The following SLC28A1 variants were observed in gnomAD, a reference collection of about 807,000 sequenced individuals.
SLC28A1 encodes sodium/nucleoside cotransporter 1.
SLC28A1 carries 64 observed loss-of-function variants against 74.8 expected under a neutral mutation model. The observed-to-expected ratio is 0.86, with a 90% CI of 0.70 to 1.05. The LOEUF (loss-of-function observed/expected upper bound fraction) is 1.05. Among genes scored for constraint, SLC28A1 ranks in the 50% least tolerant of loss-of-function variants. The pLI is 0.00. For missense variants in SLC28A1, 828 were observed against 822.8 expected (o/e 1.01, Z -0.08); for synonymous variants, 359 against 335.0 (o/e 1.07, Z -0.78).
chr15:84,966,690 C>T, the SLC28A1 span, among the ~76,000 whole-genome samples: 1 of 152,192 alleles, frequency 6.6e-6, no homozygotes, highest in Non-Finnish European at 1.5e-5. Flanking sequence ...TGGCAGCAGA[C>T]AAGAGAAGAG....
At chr15:84,958,950 A>C in the SLC28A1 span, among the ~76,000 whole-genome samples, 2 of 151,782 alleles carry the variant, frequency 1.3e-5, no homozygotes, top group African/African-American at 2.4e-5. Context: ...AAATACAAAA[A>C]TTAGCAGGGT....
At chr15:84,893,218 G>A (rs749766984) in intron 5 of SLC28A1, among the ~76,000 whole-genome samples, 6 of 152,126 alleles carry the variant, frequency 3.9e-5, no homozygotes, top group Admixed American at 2.0e-4. Flanking sequence ...GGGCATCACT[G>A]TAGACCCCAC....
At chr15:84,925,245 C>T (rs1970373055) in intron 12 of SLC28A1, among the ~76,000 whole-genome samples, 1 of 151,828 alleles carries the variant, frequency 6.6e-6, no homozygotes, top group Non-Finnish European at 1.5e-5. Flanking sequence ...TAGCGTAGAA[C>T]AGCTATTCTG....
At chr15:84,894,577 G>A (rs1965734598) in intron 5 of SLC28A1, among the ~76,000 whole-genome samples, 1 of 152,164 alleles carries the variant, frequency 6.6e-6, no homozygotes, top group Non-Finnish European at 1.5e-5. Context: ...TAGCTGATGG[G>A]CTCGTCTCCT....
At chr15:84,920,887 C>A in intron 10 of SLC28A1, 102 bp from the exon 11 acceptor site, 1 of 898,142 alleles carries the variant, frequency 1.1e-6, no homozygotes, top group South Asian at 1.3e-5. Context: ...CTACACTGGG[C>A]TGGGAGTTGG....
chr15:84,915,927 A>G (rs1462564866), intron 9 of SLC28A1, among the ~76,000 whole-genome samples: 1 of 145,698 alleles, frequency 6.9e-6, no homozygotes, highest in Non-Finnish European at 1.5e-5. Context: ...AGCCACCTCA[A>G]CCTGTTGTTG....
At chr15:84,898,899 G>A (rs927746373) in intron 6 of SLC28A1, among the ~76,000 whole-genome samples, 6 of 152,170 alleles carry the variant, frequency 3.9e-5, no homozygotes, top group Non-Finnish European at 8.8e-5. Flanking sequence ...GGAAGCCATG[G>A]CAGGCAGGGT....
At chr15:84,895,196 GCC>G in intron 6 of SLC28A1, 73 bp downstream of exon 6, 1 of 1,593,204 alleles carries the variant, frequency 6.3e-7, no homozygotes, top group African/African-American at 1.3e-5. Context: ...CAGGGTTATG[GCC>G]AGGGCTGGAG....
chr15:84,907,456 A>G (rs903454935), intron 8 of SLC28A1, among the ~76,000 whole-genome samples: 1 of 152,176 alleles, frequency 6.6e-6, no homozygotes, highest in Non-Finnish European at 1.5e-5. Context: ...AAGTGCTGGG[A>G]TTATAGGCAT....
At chr15:84,962,755 C>A in the SLC28A1 span, among the ~76,000 whole-genome samples, 2 of 152,178 alleles carry the variant, frequency 1.3e-5, no homozygotes, top group African/African-American at 2.4e-5. Flanking sequence ...GATTTTTACC[C>A]CAGAAGGGAA....
In SLC28A1 at chr15:84,908,801, C is replaced by T; in HGVS notation, c.795+6C>T. 6.2e-7 allele frequency: 1 copy of T among 1,612,574 alleles called. No individual in the cohort carries two copies. Among genetic ancestry groups the T allele is most frequent in the Non-Finnish European group, 8.5e-7 (1 of 1,179,204 alleles). ...AGGATGTCTTTGCCTTTCAGGTCAG[C>T]TTGACTCAGGGTCCCAGAGGCCTTT... is the stretch of plus-strand genomic sequence containing the variant. On this transcript the variant is annotated splice_donor_region_variant and intron_variant, in intron 9 of 18. Transcript: ENST00000394573.
intron 15 of SLC28A1, among the ~76,000 whole-genome samples, chr15:84,938,870 A>G (rs117531373): frequency 1.3e-5 from 2 of 152,322 alleles, no homozygotes; most frequent in Non-Finnish European, 2.9e-5. Flanking sequence ...GCTGGGAAAA[A>G]CATTCCAAAG....
At chr15:84,959,773 A>G in the SLC28A1 span, among the ~76,000 whole-genome samples, 26 of 152,190 alleles carry the variant, frequency 1.7e-4, no homozygotes, top group South Asian at 5.4e-3. Flanking sequence ...GTCCATGTGC[A>G]TTGTCTCTGG....
At chr15:84,912,992 C>T (rs538751735) in intron 9 of SLC28A1, among the ~76,000 whole-genome samples, 17 of 151,910 alleles carry the variant, frequency 1.1e-4, no homozygotes, top group African/African-American at 3.1e-4. Context: ...ATGGGACAGC[C>T]GAGGCAGGAG....
chr15:84,889,545 A>G (rs1455363838), intron 4 of SLC28A1, among the ~76,000 whole-genome samples: 1 of 152,222 alleles, frequency 6.6e-6, no homozygotes, highest in African/African-American at 2.4e-5. Context: ...GTGGATTCCA[A>G]TTAGCATTGA....
chr15:84,959,353 C>T, the SLC28A1 span, among the ~76,000 whole-genome samples: 2 of 152,006 alleles, frequency 1.3e-5, no homozygotes, highest in Non-Finnish European at 2.9e-5. Flanking sequence ...GATCTGCCCA[C>T]CTCGGTCTTC....
rs371665853 is a variant in SLC28A1 at position 84,889,471 on chromosome 15, C to T, written c.185+611C>T. The stretch of plus-strand genomic sequence containing the variant: ...ATGGGAAGAATGCCTCCTCCACCCT[C>T]TCAGGAGGAGGTGGGAGGTGGGGAC... On this transcript the variant is annotated intron_variant, in intron 4 of 18. Transcript: ENST00000394573. Among the ~76,000 whole-genome samples the T allele has an allele frequency of 7.9e-5, 12 of 152,190 alleles. No individual in the cohort carries two copies. In the South Asian group the frequency reaches 1.2e-3, roughly 16 times the overall value.
intron 4 of SLC28A1, among the ~76,000 whole-genome samples, chr15:84,889,673 CTTCT>C (rs1262941113): frequency 2.6e-4 from 25 of 96,872 alleles, no homozygotes; most frequent in African/African-American, 8.5e-4. Context: ...TCCTTCCTTC[CTTCT>C]TTCCTTCCTT....
chr15:84,887,296 T>C, intron 2 of SLC28A1: 1 of 946,980 alleles, frequency 1.1e-6, no homozygotes, highest in South Asian at 4.9e-5. Flanking sequence ...AGGCTGTATA[T>C]AATTCTTTAC....
Sources: gnomAD v4.1 joint callset for allele counts (sites outside exome capture counted in the v4.1 genomes callset) on GRCh38, gnomAD v4.1.1 for gene constraint, MANE v1.5 for transcripts, NCBI Gene and HGNC (gene_info 2026-07-23, HGNC 2026-07-21) for gene names.